GLIS3: variants seen among roughly 807,000 people sequenced by gnomAD.
GLIS3 encodes the protein GLIS family zinc finger 3, also known as zinc finger protein GLIS3.
GLIS3 carries 53 observed loss-of-function variants against 78.6 expected under a neutral mutation model. The ratio of observed to expected loss-of-function variants is 0.67; its 90% confidence interval spans 0.54 to 0.85. GLIS3 has a LOEUF of 0.85. GLIS3 is among the 40% of genes least tolerant of loss of function. GLIS3 has a pLI of 0.00. For missense variants in GLIS3, 1,703 were observed against 1,231.1 expected (o/e 1.38, Z -5.74); for synonymous variants, 684 against 509.9 (o/e 1.34, Z -4.60).
At chr9:3,902,600 T>C (rs1228069148) in intron 6 of GLIS3, among the ~76,000 whole-genome samples, 1 of 152,206 alleles carries the variant, frequency 6.6e-6, no homozygotes, top group Admixed American at 6.5e-5. Flanking sequence ...GTTCCCAATC[T>C]TGGGGATGTA....
intron 4 of GLIS3, chr9:4,034,500 T>A (rs1282704588): frequency 1.3e-5 from 2 of 152,162 alleles, no homozygotes; most frequent in Non-Finnish European, 2.9e-5. Flanking sequence ...CACCTGATAA[T>A]TAGGAATGTT....
the GLIS3 span, among the ~76,000 whole-genome samples, chr9:4,483,455 C>T: frequency 1.3e-5 from 2 of 152,064 alleles, no homozygotes; most frequent in Non-Finnish European, 2.9e-5. Flanking sequence ...TGCGGTGGCT[C>T]ACGCCTGTAA....
chr9:4,119,012 AC>A, intron 3 of GLIS3, 131 bp from the exon 4 acceptor site: 1 of 964,092 alleles, frequency 1.0e-6, no homozygotes, highest in Middle Eastern at 2.2e-4. Context: ...TCTGTGCTAA[AC>A]ACACATTCTT....
intron 7 of GLIS3, among the ~76,000 whole-genome samples, chr9:3,886,558 C>G (rs1822086301): frequency 6.6e-6 from 1 of 152,158 alleles, no homozygotes; most frequent in South Asian, 2.1e-4. Flanking sequence ...GTTTGTTTCT[C>G]CAAGAGCATA....
At chr9:4,159,449 T>G (rs1586837849) in intron 2 of GLIS3, among the ~76,000 whole-genome samples, 1 of 152,336 alleles carries the variant, frequency 6.6e-6, no homozygotes, top group East Asian at 1.9e-4. Context: ...CCAGGCGCAG[T>G]GGCTCATGTC....
chr9:4,419,646 G>A, the GLIS3 span, among the ~76,000 whole-genome samples: 1 of 142,586 alleles, frequency 7.0e-6, no homozygotes, highest in African/African-American at 3.1e-5. Context: ...CGGGCGTGGT[G>A]GTCCACGCCT....
the GLIS3 span, among the ~76,000 whole-genome samples, chr9:4,354,167 G>A: frequency 6.6e-6 from 1 of 152,082 alleles, no homozygotes; most frequent in East Asian, 1.9e-4. Flanking sequence ...AGCCAAGAGG[G>A]CTTTTTAAAA....
intron 2 of GLIS3, among the ~76,000 whole-genome samples, chr9:4,226,502 G>A (rs16920948): frequency 6.6e-6 from 1 of 152,118 alleles, no homozygotes; most frequent in African/African-American, 2.4e-5. Context: ...CTCAAACTCC[G>A]CCTCACAGAA....
intron 2 of GLIS3, among the ~76,000 whole-genome samples, chr9:4,198,634 A>G (rs998740788): frequency 2.6e-5 from 4 of 152,234 alleles, no homozygotes; most frequent in Non-Finnish European, 5.9e-5. Context: ...CTTGGAAAAC[A>G]TATTTGAGAA....
At chr9:4,022,113 T>A (rs553624485) in intron 4 of GLIS3, among the ~76,000 whole-genome samples, 1 of 152,056 alleles carries the variant, frequency 6.6e-6, no homozygotes, top group Non-Finnish European at 1.5e-5. Context: ...GGCATTGTGT[T>A]AGGACCATTA....
At chr9:3,999,513 A>C (rs1337234743) in intron 4 of GLIS3, among the ~76,000 whole-genome samples, 4 of 152,158 alleles carry the variant, frequency 2.6e-5, no homozygotes. Flanking sequence ...AACAATAATG[A>C]AAATTTATAA....
At chr9:4,326,069 T>G (rs889786671) in intron 2 of GLIS3, among the ~76,000 whole-genome samples, 7 of 151,728 alleles carry the variant, frequency 4.6e-5, no homozygotes, top group African/African-American at 1.5e-4. Context: ...GGCAGGGAGG[T>G]AGAGCCTCAG....
intron 2 of GLIS3, among the ~76,000 whole-genome samples, chr9:4,208,363 C>T (rs942707698): frequency 6.6e-6 from 1 of 152,198 alleles, no homozygotes; most frequent in Non-Finnish European, 1.5e-5. Flanking sequence ...CTTCAGTGGG[C>T]ACATCTCCCT....
the GLIS3 span, among the ~76,000 whole-genome samples, chr9:4,416,318 C>A: frequency 8.4e-6 from 1 of 118,602 alleles, no homozygotes; most frequent in African/African-American, 3.2e-5. Flanking sequence ...GAAAAAATTA[C>A]AACTGTTCCA....
the GLIS3 span, among the ~76,000 whole-genome samples, chr9:4,456,309 T>C: frequency 6.6e-6 from 1 of 152,200 alleles, no homozygotes; most frequent in South Asian, 2.1e-4. Flanking sequence ...ATCAGATTGA[T>C]GGTTGCTGAA....
intron 9 of GLIS3, among the ~76,000 whole-genome samples, chr9:3,851,393 C>G (rs546414500): frequency 6.6e-6 from 1 of 152,198 alleles, no homozygotes; most frequent in South Asian, 2.1e-4. Context: ...AGATCTCACC[C>G]GAATGGAGAC....
chr9:4,192,015 T>C (rs1818376236), intron 2 of GLIS3, among the ~76,000 whole-genome samples: 1 of 152,150 alleles, frequency 6.6e-6, no homozygotes, highest in Admixed American at 6.5e-5. Flanking sequence ...TCTTTACATT[T>C]GATTCTCAAA....
At chr9:4,159,293 G>C (rs1835290832) in intron 2 of GLIS3, among the ~76,000 whole-genome samples, 1 of 152,186 alleles carries the variant, frequency 6.6e-6, no homozygotes, top group South Asian at 2.1e-4. Context: ...CTCGCATTTT[G>C]TACAATCTCT....
chr9:4,173,561 TACACACACACACAC>T (rs34572625), intron 2 of GLIS3, among the ~76,000 whole-genome samples: 3,930 of 146,512 alleles, frequency 0.027, 167 homozygotes, highest in African/African-American at 0.092. Context: ...TGTGTATAGA[TACACACACACACAC>T]ACACACACAC....
Sources: allele counts gnomAD v4.1 joint callset (sites outside exome capture counted in the v4.1 genomes callset), GRCh38; gene constraint gnomAD v4.1.1; transcripts MANE v1.5; gene names NCBI Gene and HGNC (gene_info 2026-07-23, HGNC 2026-07-21).